Variants in PAPOLA observed in about 807,000 individuals in gnomAD.
PAPOLA encodes the protein poly(A) polymerase alpha.
Under a neutral mutation model 100.6 loss-of-function variants are expected in PAPOLA, and 15 were observed. The ratio of observed to expected loss-of-function variants is 0.15; its 90% CI spans 0.10 to 0.23. The LOEUF (loss-of-function observed/expected upper bound fraction) is 0.23, where lower values mean the gene tolerates loss of function less well. PAPOLA is among the 10% of genes least tolerant of loss of function. The pLI is 1.00. For missense variants in PAPOLA, 533 were observed against 884.2 expected (o/e 0.60, Z 5.04); for synonymous variants, 293 against 300.0 (o/e 0.98, Z 0.24).
intron 1 of PAPOLA, among the ~76,000 whole-genome samples, chr14:96,508,445 G>A (rs1896884234): frequency 6.6e-6 from 1 of 152,142 alleles, no homozygotes; most frequent in African/African-American, 2.4e-5. Context: ...ATATTTTTTG[G>A]TAGAGAAGTT....
rs184591049 is a variant in PAPOLA, at chr14:96,507,957, C to A, written c.8+5357C>A. The stretch of plus-strand genomic sequence containing the variant: ...GTGGTGCTAGCTCGGCTCACTGCAA[C>A]CCCTGCATCCCAGGTTCAAGTGATT... On this transcript the variant is annotated intron_variant, in intron 1 of 21. Coordinates refer to ENST00000216277, the MANE Select transcript of PAPOLA (RefSeq NM_032632.5). Among the ~76,000 whole-genome samples, 343 of 152,236 alleles carry A rather than the reference C, an allele frequency of 2.3e-3. 2 individuals are homozygous for A. The highest frequency in any genetic ancestry group is 7.9e-3 in the African/African-American group (327 of 41,530).
intron 16 of PAPOLA, among the ~76,000 whole-genome samples, chr14:96,548,146 C>A (rs567095048): frequency 7.9e-5 from 12 of 152,168 alleles, no homozygotes; most frequent in African/African-American, 2.6e-4. Context: ...TGCTTCATAT[C>A]CTTACTTTGT....
At chr14:96,519,976 A>G in intron 1 of PAPOLA, 79 bp from the exon 2 acceptor site, 1 of 1,200,446 alleles carries the variant, frequency 8.3e-7, no homozygotes, top group Non-Finnish European at 1.2e-6. Context: ...GTGTTACTAA[A>G]TTAGTTTTTC....
intron 11 of PAPOLA, 38 bp from the exon 12 acceptor site, chr14:96,536,938 C>T (rs1899591430): frequency 8.9e-7 from 1 of 1,124,210 alleles, no homozygotes; most frequent in Non-Finnish European, 1.4e-6. Flanking sequence ...AGATTGTAGA[C>T]TGAAGTATGC....
intron 1 of PAPOLA, among the ~76,000 whole-genome samples, chr14:96,518,495 G>A (rs1389298109): frequency 6.6e-6 from 1 of 151,118 alleles, no homozygotes; most frequent in Non-Finnish European, 1.5e-5. Flanking sequence ...TGCAAGCTCC[G>A]CCTCCCAGGT....
Position 96,559,606 on chromosome 14 carries a change from CAT to C in PAPOLA, c.2005-1034_2005-1033del, listed in dbSNP as rs1177075244. The stretch of plus-strand genomic sequence containing the variant: ...CTATATATATATATATACACACACA[CAT>C]ATATATATGTATATATATATATGTG... On this transcript the variant is annotated intron_variant, in intron 19 of 21. Transcript: ENST00000216277. Among the ~76,000 whole-genome samples the C allele has an allele frequency of 1.1e-4, 16 of 143,628 alleles. No individual in the cohort carries two copies. The East Asian group carries it at 1.2e-3, about 11-fold the overall frequency. The allele number at this position is 143,628 out of a possible 152,430, so 94.2% of individuals were successfully genotyped here. A position where few individuals can be genotyped will look rare whatever the true frequency, so the allele number is the denominator to read the frequency against.
chr14:96,541,322 T>C (rs1055772282), intron 12 of PAPOLA, among the ~76,000 whole-genome samples: 29 of 152,248 alleles, frequency 1.9e-4, no homozygotes, highest in African/African-American at 6.0e-4. Flanking sequence ...TTTAGACTTT[T>C]CAAAGAGTAA....
intron 17 of PAPOLA, among the ~76,000 whole-genome samples, chr14:96,555,034 G>T (rs1276697160): frequency 6.6e-6 from 1 of 151,990 alleles, no homozygotes; most frequent in East Asian, 1.9e-4. Context: ...AACTTCGGGG[G>T]AGTAAAGAGG....
intron 1 of PAPOLA, among the ~76,000 whole-genome samples, chr14:96,509,699 C>T (rs1178385252): frequency 6.6e-6 from 1 of 152,054 alleles, no homozygotes; most frequent in Non-Finnish European, 1.5e-5. Flanking sequence ...GTTACTGTAC[C>T]GAATACTGTA....
At chr14:96,549,119 C>T (rs1361532250) in intron 16 of PAPOLA, among the ~76,000 whole-genome samples, 3 of 152,128 alleles carry the variant, frequency 2.0e-5, no homozygotes, top group East Asian at 1.9e-4. Flanking sequence ...TAGACTAGCT[C>T]CTGGCACATA....
chr14:96,503,948 T>A (rs1179665109), intron 1 of PAPOLA, among the ~76,000 whole-genome samples: 1 of 152,226 alleles, frequency 6.6e-6, no homozygotes, highest in Non-Finnish European at 1.5e-5. Context: ...AAGAAGTCTA[T>A]CACATTACTT....
chr14:96,522,473 T>C (rs975783319), intron 3 of PAPOLA, among the ~76,000 whole-genome samples: 2 of 151,894 alleles, frequency 1.3e-5, no homozygotes, highest in Non-Finnish European at 2.9e-5. Context: ...TGCAGTGGCA[T>C]GATCTTAGCT....
At chr14:96,505,842 G>C (rs770783963) in intron 1 of PAPOLA, among the ~76,000 whole-genome samples, 10 of 152,136 alleles carry the variant, frequency 6.6e-5, no homozygotes, top group Admixed American at 1.3e-4. Context: ...GAACAATCAA[G>C]GCAGAGAACC....
In PAPOLA at chr14:96,554,377, G is replaced by A. The variant is rs571672416; in HGVS notation, c.1665-1470G>A. ...GGGCTCTCTCATTATTCTTTTGTCT[G>A]TTTATCCCCTCTTGATATTGTCCCT... is the stretch of plus-strand genomic sequence containing the variant. On this transcript the variant is annotated intron_variant, in intron 17 of 21. Transcript: ENST00000216277. 2.0e-5 allele frequency among the ~76,000 whole-genome samples: 3 copies of A among 152,314 alleles called. No individual in the cohort carries two copies. In the East Asian group the frequency reaches 5.8e-4, roughly 29 times the overall value.
At chr14:96,551,658 GA>G (rs201801289) in intron 16 of PAPOLA, among the ~76,000 whole-genome samples, 4,148 of 151,010 alleles carry the variant, frequency 0.027, 94 homozygotes, top group South Asian at 0.11. Flanking sequence ...AAACATTCTG[GA>G]AAAAAAAATT....
intron 19 of PAPOLA, 32 bp downstream of exon 19, chr14:96,556,445 T>C: frequency 7.5e-7 from 1 of 1,338,874 alleles, no homozygotes; most frequent in African/African-American, 1.4e-5. Context: ...TAGTTAGCCA[T>C]GGCAACACCA....
rs772845024 is a variant in PAPOLA at position 96,552,488 on chromosome 14, A to G, written c.1530A>G (p.Thr510=). ...HVLQKKKKHS[T]EGVKLTALND... ...TGTTTTATTGTTTGCAGCATTCAAC[A>G]GAAGGTGTCAAATTGACAGCTCTCA... Residue 510 remains threonine (T), a synonymous_variant, in exon 17 of 22, where the codon ACA becomes ACG. Coordinates refer to ENST00000216277, the MANE Select transcript of PAPOLA (RefSeq NM_032632.5). 4 of 1,613,110 alleles carry G rather than the reference A, an allele frequency of 2.5e-6. No homozygotes were observed. The highest frequency in any genetic ancestry group is 3.4e-6 in the Non-Finnish European group (4 of 1,179,148).
intron 3 of PAPOLA, among the ~76,000 whole-genome samples, chr14:96,522,112 CTTTCTTTTTTTTTTTTTT>C (rs1898037186): frequency 2.0e-5 from 2 of 98,714 alleles, no homozygotes; most frequent in Admixed American, 9.6e-5. Flanking sequence ...CTCTTTCTTT[CTTTCTTTTTTTTTTTTTT>C]TTTTTTTTTT....
intron 1 of PAPOLA, among the ~76,000 whole-genome samples, chr14:96,515,302 G>C (rs920157821): frequency 6.6e-6 from 1 of 152,150 alleles, no homozygotes; most frequent in African/African-American, 2.4e-5. Context: ...GTAAGAAAAG[G>C]TGTGTTTGTA....
Sources: gnomAD v4.1 joint callset for allele counts (sites outside exome capture counted in the v4.1 genomes callset) on GRCh38, gnomAD v4.1.1 for gene constraint, MANE v1.5 for transcripts, NCBI Gene and HGNC (gene_info 2026-07-23, HGNC 2026-07-21) for gene names.